PRKN: variants seen among roughly 807,000 people sequenced by gnomAD.
PRKN encodes E3 ubiquitin-protein ligase parkin.
In PRKN, 56 loss-of-function variants were observed where a neutral mutation model predicts 59.5. The observed-to-expected ratio is 0.94, with a 90% CI of 0.76 to 1.18. The LOEUF (loss-of-function observed/expected upper bound fraction) is 1.18, where lower values mean the gene tolerates loss of function less well. PRKN is among the 50% of genes most tolerant of loss of function. The pLI is 0.00. For missense variants in PRKN, 657 were observed against 596.4 expected (o/e 1.10, Z -1.06); for synonymous variants, 250 against 222.1 (o/e 1.13, Z -1.12).
chr6:161,597,140 T>C (rs759682523), intron 7 of PRKN, among the ~76,000 whole-genome samples: 2 of 152,142 alleles, frequency 1.3e-5, no homozygotes, highest in East Asian at 3.9e-4. Flanking sequence ...GATGTTATCT[T>C]GAGCTGCAGC....
At chr6:162,381,613 C>G (rs1786486883) in intron 2 of PRKN, among the ~76,000 whole-genome samples, 1 of 152,180 alleles carries the variant, frequency 6.6e-6, no homozygotes, top group Non-Finnish European at 1.5e-5. Context: ...TTAAACACCA[C>G]AATACTCTCA....
At chr6:162,707,381 C>G (rs902041758) in intron 1 of PRKN, among the ~76,000 whole-genome samples, 2 of 152,122 alleles carry the variant, frequency 1.3e-5, no homozygotes, top group African/African-American at 4.8e-5. Context: ...ATAAACAATA[C>G]TCTCAGAACA....
chr6:162,447,540 T>G (rs1790378133), intron 1 of PRKN, among the ~76,000 whole-genome samples: 1 of 152,068 alleles, frequency 6.6e-6, no homozygotes, highest in Non-Finnish European at 1.5e-5. Context: ...ATGAGATATA[T>G]CCAGATTCCT....
At chr6:161,866,953 C>T (rs1562347925) in intron 6 of PRKN, among the ~76,000 whole-genome samples, 1 of 152,120 alleles carries the variant, frequency 6.6e-6, no homozygotes. Context: ...TAAATAGAGT[C>T]CCACCTGGAC....
chr6:162,410,308 T>G (rs538291438), intron 2 of PRKN, among the ~76,000 whole-genome samples: 1 of 152,220 alleles, frequency 6.6e-6, no homozygotes, highest in East Asian at 1.9e-4. Flanking sequence ...TTCCCCACCC[T>G]GACCAGAGTT....
At chr6:161,940,092 C>T (rs1292335719) in intron 6 of PRKN, among the ~76,000 whole-genome samples, 2 of 151,978 alleles carry the variant, frequency 1.3e-5, no homozygotes, top group Admixed American at 6.6e-5. Flanking sequence ...GACGGGGTTT[C>T]TCCATGTTGG....
intron 4 of PRKN, among the ~76,000 whole-genome samples, chr6:162,168,289 T>C (rs1783080459): frequency 6.6e-6 from 1 of 152,072 alleles, no homozygotes; most frequent in South Asian, 2.1e-4. Context: ...GCTTAAAGAA[T>C]GATTAGGTAC....
At chr6:162,385,744 T>C (rs905283658) in intron 2 of PRKN, among the ~76,000 whole-genome samples, 23 of 151,976 alleles carry the variant, frequency 1.5e-4, no homozygotes, top group African/African-American at 4.6e-4. Context: ...CATCCCTGAC[T>C]TTTTGGTCCT....
chr6:162,015,401 C>A (rs1037196982), intron 5 of PRKN, among the ~76,000 whole-genome samples: 1 of 152,098 alleles, frequency 6.6e-6, no homozygotes, highest in African/African-American at 2.4e-5. Context: ...AAGGTAACTG[C>A]AAAGGGAAAA....
At chr6:162,030,432 A>C (rs1783594245) in intron 5 of PRKN, among the ~76,000 whole-genome samples, 1 of 152,082 alleles carries the variant, frequency 6.6e-6, no homozygotes, top group Non-Finnish European at 1.5e-5. Context: ...TGGTCTTCTT[A>C]ATGTCACTGT....
Position 161,353,396 on chromosome 6 carries a change from T to A in PRKN, c.1286-3185A>T, listed in dbSNP as rs1213216035. On this transcript the variant is annotated intron_variant, in intron 11 of 11. Transcript: ENST00000366898. The surrounding 1 kb of genome is among the most constrained non-coding windows in gnomAD (Gnocchi z 4.8). ...TGCAGGGTCTCCCCACTCCATCTTT[T>A]AGCGTGAGATCAAAGCCTTTCTGTC... Among the ~76,000 whole-genome samples the A allele has an allele frequency of 2.6e-5, 4 of 152,244 alleles. No homozygotes were observed. Among genetic ancestry groups the A allele is most frequent in the Admixed American group, 2.0e-4 (3 of 15,282 alleles).
intron 1 of PRKN, among the ~76,000 whole-genome samples, chr6:162,617,930 C>CA: frequency 6.6e-6 from 1 of 152,160 alleles, no homozygotes; most frequent in African/African-American, 2.4e-5. Flanking sequence ...AGAGCAGCCC[C>CA]AGTAACACAA....
In PRKN at chr6:162,686,572, C is replaced by A. The variant is rs577012318; in HGVS notation, c.7+41090G>T. 4.6e-5 allele frequency among the ~76,000 whole-genome samples: 7 copies of A among 152,168 alleles called. No individual in the cohort carries two copies. The South Asian group carries it at 1.5e-3, about 32-fold the overall frequency. On this transcript the variant is annotated intron_variant, in intron 1 of 11. Transcript: ENST00000366898. ...AGTTCTTCCAGACATCAAAAAGGAA[C>A]TAATAAATAATCAGAATAAACAAAT...
intron 7 of PRKN, among the ~76,000 whole-genome samples, chr6:161,753,093 A>G (rs1177798232): frequency 6.6e-6 from 1 of 152,190 alleles, no homozygotes; most frequent in Non-Finnish European, 1.5e-5. Context: ...GGAGTTTTCA[A>G]GGAGTCAGTT....
intron 5 of PRKN, among the ~76,000 whole-genome samples, chr6:162,018,667 A>G (rs920293021): frequency 4.6e-5 from 7 of 152,196 alleles, no homozygotes; most frequent in Non-Finnish European, 1.0e-4. Context: ...GTGATTTCTC[A>G]GTGTGCTCAG....
At chr6:161,585,269 T>C (rs1781481083) in intron 7 of PRKN, among the ~76,000 whole-genome samples, 1 of 152,230 alleles carries the variant, frequency 6.6e-6, no homozygotes, top group African/African-American at 2.4e-5. Context: ...TTTGTTGATA[T>C]ATTAGATTCA....
At chr6:162,140,553 G>C (rs757913898) in intron 4 of PRKN, among the ~76,000 whole-genome samples, 9 of 152,058 alleles carry the variant, frequency 5.9e-5, no homozygotes, top group African/African-American at 1.9e-4. Flanking sequence ...CTGCTTTTCC[G>C]GCTTTCTTCC....
intron 2 of PRKN, among the ~76,000 whole-genome samples, chr6:162,369,354 C>T (rs1785624022): frequency 6.6e-6 from 1 of 152,126 alleles, no homozygotes; most frequent in South Asian, 2.1e-4. Context: ...AACTCTAGTT[C>T]TATGAAATAT....
chr6:161,948,445 A>C (rs1779862927), intron 6 of PRKN, among the ~76,000 whole-genome samples: 1 of 152,240 alleles, frequency 6.6e-6, no homozygotes, highest in South Asian at 2.1e-4. Context: ...CAGTGAACAT[A>C]GTTCAAGTCT....
Sources: allele counts gnomAD v4.1 joint callset (sites outside exome capture counted in the v4.1 genomes callset), GRCh38; gene constraint gnomAD v4.1.1; non-coding constraint Gnocchi (gnomAD v3.1); transcripts MANE v1.5; gene names NCBI Gene and HGNC (gene_info 2026-07-23, HGNC 2026-07-21).